Variants in FHIT observed in about 807,000 individuals in gnomAD.
FHIT encodes bis(5'-adenosyl)-triphosphatase.
Under a neutral mutation model 17.9 loss-of-function variants are expected in FHIT, and 19 were observed. The observed-to-expected ratio is 1.06, with a 90% confidence interval of 0.74 to 1.56. The LOEUF (loss-of-function observed/expected upper bound fraction) is 1.56. Ranked by LOEUF, FHIT falls within the 40% of genes most tolerant of loss-of-function variation. The pLI, the probability that FHIT is intolerant of heterozygous loss-of-function variation, is 0.00. For missense variants in FHIT, 248 were observed against 189.2 expected, an observed-to-expected ratio of 1.31 and a Z score of -1.82; for synonymous variants, 81 against 69.7, an observed-to-expected ratio of 1.16 and a Z score of -0.81.
At chr3:60,682,828 A>C (rs2040782622) in intron 4 of FHIT, among the ~76,000 whole-genome samples, 1 of 152,232 alleles carries the variant, frequency 6.6e-6, no homozygotes, top group African/African-American at 2.4e-5. Context: ...TGGGCAAAGT[A>C]AAATGAAAAC....
intron 7 of FHIT, among the ~76,000 whole-genome samples, chr3:59,976,171 G>C (rs193207316): frequency 2.0e-5 from 3 of 152,150 alleles, no homozygotes; most frequent in East Asian, 1.9e-4. Context: ...TGCTGTCTGG[G>C]GGGTAAAGGA....
intron 5 of FHIT, among the ~76,000 whole-genome samples, chr3:60,495,322 T>C (rs186027365): frequency 8.3e-4 from 127 of 152,340 alleles, no homozygotes; most frequent in African/African-American, 2.8e-3. Context: ...ATACATTCTC[T>C]AATTCTTCTT....
chr3:60,812,328 T>G (rs1290436712), intron 4 of FHIT, among the ~76,000 whole-genome samples: 3 of 151,820 alleles, frequency 2.0e-5, no homozygotes, highest in African/African-American at 7.3e-5. Context: ...CCTGGCTAAT[T>G]TTTGTATTTT....
At chr3:60,593,241 G>A (rs1267625834) in intron 4 of FHIT, among the ~76,000 whole-genome samples, 5 of 152,102 alleles carry the variant, frequency 3.3e-5, no homozygotes, top group African/African-American at 9.7e-5. Flanking sequence ...TTTTGATAAG[G>A]AATAAGGACA....
chr3:60,962,284 T>C (rs550105240), intron 3 of FHIT, among the ~76,000 whole-genome samples: 1 of 152,378 alleles, frequency 6.6e-6, no homozygotes, highest in East Asian at 1.9e-4. Context: ...TGATTTTGTA[T>C]CCTGAGACTT....
intron 5 of FHIT, among the ~76,000 whole-genome samples, chr3:60,511,575 C>G (rs1442662906): frequency 6.6e-6 from 1 of 151,944 alleles, no homozygotes; most frequent in African/African-American, 2.4e-5. Context: ...GGAAGCACCC[C>G]CATAGTGCTG....
intron 3 of FHIT, among the ~76,000 whole-genome samples, chr3:60,847,267 T>C (rs1405315266): frequency 1.3e-5 from 2 of 152,210 alleles, no homozygotes; most frequent in Non-Finnish European, 2.9e-5. Flanking sequence ...GAGAAGAATA[T>C]GACAACCTGC....
intron 4 of FHIT, among the ~76,000 whole-genome samples, chr3:60,668,719 G>T (rs1553693131): frequency 6.6e-6 from 1 of 151,902 alleles, no homozygotes; most frequent in Non-Finnish European, 1.5e-5. Flanking sequence ...CCACCACTAC[G>T]CCTGGCTAAT....
At chr3:60,738,762 T>C (rs1452840594) in intron 4 of FHIT, among the ~76,000 whole-genome samples, 1 of 152,080 alleles carries the variant, frequency 6.6e-6, no homozygotes, top group South Asian at 2.1e-4. Flanking sequence ...CTCTCCCCAG[T>C]GATACAGACA....
At chr3:60,124,049 G>GGGAGAGAGACAGAGAGAC (rs1705420873) in intron 5 of FHIT, among the ~76,000 whole-genome samples, 16 of 109,464 alleles carry the variant, frequency 1.5e-4, no homozygotes, top group African/African-American at 5.7e-4. Flanking sequence ...GAGAGAGAGA[G>GGGAGAGAGACAGAGAGAC]AGAGAGACAG....
intron 4 of FHIT, among the ~76,000 whole-genome samples, chr3:60,775,638 G>A (rs1193281399): frequency 6.6e-6 from 1 of 152,184 alleles, no homozygotes; most frequent in African/African-American, 2.4e-5. Flanking sequence ...GGCGCCCAAC[G>A]TGGGGACTCG....
chr3:60,754,939 G>A (rs1553717932), intron 4 of FHIT, among the ~76,000 whole-genome samples: 2 of 152,174 alleles, frequency 1.3e-5, no homozygotes, highest in Non-Finnish European at 2.9e-5. Context: ...AAGGTTGCAA[G>A]AGAGTAAGAG....
At chr3:61,060,541 G>A (rs183462423) in intron 2 of FHIT, among the ~76,000 whole-genome samples, 21 of 152,338 alleles carry the variant, frequency 1.4e-4, no homozygotes, top group Admixed American at 7.2e-4. Context: ...GTAACTTGCT[G>A]CTGCAGTTTA....
chr3:60,499,091 C>T (rs1023193221), intron 5 of FHIT, among the ~76,000 whole-genome samples: 1 of 152,082 alleles, frequency 6.6e-6, no homozygotes, highest in Non-Finnish European at 1.5e-5. Flanking sequence ...CCATGAGTGA[C>T]CAAGGAGTTG....
chr3:60,284,489 T>C (rs963310704), intron 5 of FHIT, among the ~76,000 whole-genome samples: 2 of 152,098 alleles, frequency 1.3e-5, no homozygotes, highest in African/African-American at 4.8e-5. Context: ...ACAAGGTAGG[T>C]CATCTTAGTT....
At position 60,580,388 on chromosome 3, in the gene FHIT, T is replaced by C. The variant is rs553494745; in HGVS notation, c.-17-43409A>G. On this transcript the variant is annotated intron_variant, in intron 4 of 9. Coordinates refer to ENST00000492590, the MANE Select transcript of FHIT (RefSeq NM_002012.4). ...TAATGAATAATCTCTTTTTCAATCA[T>C]CCCTGATTTTTTAAAATCACAATAC... is the stretch of plus-strand genomic sequence containing the variant. Among the ~76,000 whole-genome samples, 6 of 152,256 alleles carry C rather than the reference T, an allele frequency of 3.9e-5. No individual in the cohort carries two copies. In the East Asian group the frequency reaches 5.8e-4, roughly 15 times the overall value.
intron 4 of FHIT, among the ~76,000 whole-genome samples, chr3:60,775,151 G>A (rs1210287910): frequency 1.3e-5 from 2 of 152,214 alleles, no homozygotes; most frequent in East Asian, 3.8e-4. Flanking sequence ...TGAATAGAGT[G>A]TATGTTGGCT....
intron 5 of FHIT, among the ~76,000 whole-genome samples, chr3:60,191,503 T>C (rs1056581844): frequency 5.3e-4 from 80 of 152,278 alleles, no homozygotes; most frequent in African/African-American, 1.7e-3. Flanking sequence ...ATTGCTCACA[T>C]ACAAAACCAC....
At position 60,151,566 on chromosome 3, in the gene FHIT, T is replaced by C. The variant is rs533447545; in HGVS notation, c.104-137414A>G. ...AAAATCTGTACCGTGACTTACAAGG[T>C]CTTCTCGATTTGATTTGCCCCATCC... is the stretch of plus-strand genomic sequence containing the variant. On this transcript the variant is annotated intron_variant, in intron 5 of 9. Transcript: ENST00000492590. Among the ~76,000 whole-genome samples, 40 of 152,226 alleles carry C rather than the reference T, an allele frequency of 2.6e-4. 2 individuals carry two copies. The highest frequency in any genetic ancestry group is 7.8e-4 in the Admixed American group (12 of 15,294).
Sources: gnomAD v4.1 joint callset for allele counts (sites outside exome capture counted in the v4.1 genomes callset) on GRCh38, gnomAD v4.1.1 for gene constraint, MANE v1.5 for transcripts, NCBI Gene and HGNC (gene_info 2026-07-23, HGNC 2026-07-21) for gene names.